The following CACNA2D1 variants were observed in gnomAD, a reference collection of about 807,000 sequenced individuals.
The protein encoded by CACNA2D1 is calcium voltage-gated channel auxiliary subunit alpha2delta 1, also known as voltage-dependent calcium channel subunit alpha-2/delta-1.
CACNA2D1 carries 53 observed loss-of-function variants against 171.5 expected under a neutral mutation model. The ratio of observed to expected loss-of-function variants is 0.31; its 90% CI spans 0.25 to 0.39. The LOEUF is 0.39. Ranked by LOEUF, CACNA2D1 falls within the 10% of genes least tolerant of loss-of-function variation. The pLI is 1.00. For synonymous variants in CACNA2D1, 442 were observed against 443.1 expected, an observed-to-expected ratio of 1.00 and a Z score of 0.03; for missense variants, 903 against 1,299.8, an observed-to-expected ratio of 0.69 and a Z score of 4.69.
intron 6 of CACNA2D1, among the ~76,000 whole-genome samples, chr7:82,085,214 T>C (rs1810305158): frequency 1.3e-5 from 2 of 152,200 alleles, no homozygotes; most frequent in Non-Finnish European, 2.9e-5. Flanking sequence ...TTGTGAGGTC[T>C]AATCCTGTGA....
chr7:82,026,614 A>T (rs1801953660), intron 12 of CACNA2D1, among the ~76,000 whole-genome samples: 1 of 151,666 alleles, frequency 6.6e-6, no homozygotes, highest in Non-Finnish European at 1.5e-5. Flanking sequence ...TGCATGCACA[A>T]CTTTAGATAA....
At chr7:82,295,523 T>C (rs565369920) in intron 3 of CACNA2D1, among the ~76,000 whole-genome samples, 1 of 146,488 alleles carries the variant, frequency 6.8e-6, no homozygotes, top group South Asian at 2.2e-4. Context: ...TCTTTCTTTC[T>C]TTTTTTTTTC....
chr7:82,182,088 T>C (rs3823919), intron 3 of CACNA2D1, among the ~76,000 whole-genome samples: 56,692 of 151,936 alleles, frequency 0.37, 10,800 homozygotes, highest in East Asian at 0.59. Context: ...TCCCTTCCTT[T>C]TTTCCTTTCT....
chr7:82,005,851 G>T lies in CACNA2D1; in HGVS notation c.1441-12C>A. ...AGAATCAGCTGGTTCTATAATAAGAGGGCAAAAAATGGCATTTTATGTCAA... is the reference window on the plus strand; with the variant it reads ...AGAATCAGCTGGTTCTATAATAAGATGGCAAAAAATGGCATTTTATGTCAA... On this transcript the variant is annotated splice_polypyrimidine_tract_variant and intron_variant, in intron 16 of 38. Coordinates refer to ENST00000356860, the MANE Select transcript of CACNA2D1 (RefSeq NM_000722.4). The T allele has an allele frequency of 1.3e-6, 2 of 1,563,364 alleles. No individual in the cohort carries two copies. Among genetic ancestry groups the T allele is most frequent in the Non-Finnish European group, 1.8e-6 (2 of 1,134,924 alleles).
chr7:81,971,760 TAAG>T lies in CACNA2D1; in HGVS notation c.2141+14_2141+16del. On this transcript the variant is annotated intron_variant, in intron 26 of 38. Transcript: ENST00000356860. Reference sequence around the variant, plus strand: ...AATGCAGAATACATATTTTTATTAATAAGAACAAATACTTACATATTTTTCTGC... The same window carrying T: ...AATGCAGAATACATATTTTTATTAATAACAAATACTTACATATTTTTCTGC... The T allele has an allele frequency of 7.2e-7, 1 of 1,390,772 alleles. No homozygotes were observed. The highest frequency in any genetic ancestry group is 1.0e-6 in the Non-Finnish European group (1 of 978,438). The allele number at this position is 1,390,772 out of a possible 1,614,324, so 86.2% of individuals were successfully genotyped here.
chr7:82,005,885 G>A (rs201593601), intron 16 of CACNA2D1, 46 bp from the exon 17 acceptor site: 55 of 1,064,680 alleles, frequency 5.2e-5, no homozygotes, highest in Admixed American at 2.4e-4. Flanking sequence ...AAAAATTTAC[G>A]TATTTTTACA....
intron 1 of CACNA2D1, among the ~76,000 whole-genome samples, chr7:82,359,716 T>C (rs74388199): frequency 6.6e-6 from 1 of 152,276 alleles, no homozygotes; most frequent in African/African-American, 2.4e-5. Context: ...TCCTACAAAA[T>C]GTTACACATA....
At chr7:82,342,009 G>A (rs1422755446) in intron 2 of CACNA2D1, among the ~76,000 whole-genome samples, 4 of 138,428 alleles carry the variant, frequency 2.9e-5, no homozygotes, top group East Asian at 2.2e-4. Flanking sequence ...AGCTGAGATC[G>A]CGCCACGGTG....
chr7:82,187,451 T>C (rs1327459789), intron 3 of CACNA2D1, among the ~76,000 whole-genome samples: 1 of 152,124 alleles, frequency 6.6e-6, no homozygotes, highest in Non-Finnish European at 1.5e-5. Context: ...CAATGTACAA[T>C]AGTATTTATT....
At chr7:82,237,930 C>T (rs1162813181) in intron 3 of CACNA2D1, among the ~76,000 whole-genome samples, 1 of 151,974 alleles carries the variant, frequency 6.6e-6, no homozygotes, top group Non-Finnish European at 1.5e-5. Flanking sequence ...AGTTAAATGA[C>T]ATAAACATTA....
chr7:82,326,008 G>C (rs1161604527), intron 3 of CACNA2D1, among the ~76,000 whole-genome samples: 2 of 152,062 alleles, frequency 1.3e-5, no homozygotes, highest in Non-Finnish European at 2.9e-5. Context: ...AGTAGGTGTG[G>C]GTATGGGCAT....
intron 24 of CACNA2D1, among the ~76,000 whole-genome samples, chr7:81,978,480 C>A (rs1271313009): frequency 6.6e-6 from 1 of 151,890 alleles, no homozygotes; most frequent in African/African-American, 2.4e-5. Flanking sequence ...AACACAGGAA[C>A]AGAAAAACAA....
chr7:81,970,960 T>C (rs1795207128), intron 26 of CACNA2D1: 2 of 525,594 alleles, frequency 3.8e-6, no homozygotes, highest in African/African-American at 1.9e-5. Flanking sequence ...ATTTTGAACA[T>C]GGAGTATGAA....
At chr7:82,349,752 T>G in intron 1 of CACNA2D1, 103 bp from the exon 2 acceptor site, 1 of 943,392 alleles carries the variant, frequency 1.1e-6, no homozygotes. Flanking sequence ...TAAAATGCCC[T>G]TAAATTATTC....
intron 1 of CACNA2D1, among the ~76,000 whole-genome samples, chr7:82,420,121 A>T (rs1400814971): frequency 1.3e-5 from 2 of 152,216 alleles, no homozygotes; most frequent in African/African-American, 4.8e-5. Context: ...GTTTTGCATT[A>T]ATTGTGTGTT....
chr7:81,966,940 T>A (rs1794758714), intron 31 of CACNA2D1, among the ~76,000 whole-genome samples: 1 of 151,422 alleles, frequency 6.6e-6, no homozygotes, highest in African/African-American at 2.4e-5. Flanking sequence ...CATATTGACA[T>A]GACCATTTTT....
chr7:82,173,326 T>C (rs1584999445), intron 3 of CACNA2D1, among the ~76,000 whole-genome samples: 1 of 152,184 alleles, frequency 6.6e-6, no homozygotes, highest in East Asian at 1.9e-4. Context: ...TGCAAGACTC[T>C]GAAAATGTTT....
intron 3 of CACNA2D1, among the ~76,000 whole-genome samples, chr7:82,243,447 A>T (rs1804550538): frequency 2.6e-5 from 4 of 152,236 alleles, no homozygotes; most frequent in Admixed American, 1.3e-4. Flanking sequence ...CAATAGAGAC[A>T]CAAAATTCTC....
At chr7:82,127,565 A>T (rs745341746) in intron 5 of CACNA2D1, among the ~76,000 whole-genome samples, 81 of 152,326 alleles carry the variant, frequency 5.3e-4, no homozygotes, top group Middle Eastern at 3.4e-3. Context: ...CCCTGTACAC[A>T]TATTCTATTG....
Sources: allele counts gnomAD v4.1 joint callset (sites outside exome capture counted in the v4.1 genomes callset), GRCh38; gene constraint gnomAD v4.1.1; transcripts MANE v1.5; gene names NCBI Gene and HGNC (gene_info 2026-07-23, HGNC 2026-07-21).